The following ATRNL1 variants were observed in gnomAD, a reference collection of about 807,000 sequenced individuals.
ATRNL1 encodes attractin like 1, also known as attractin-like protein 1.
A neutral mutation model predicts 182.7 loss-of-function variants in ATRNL1; 95 were observed. The observed-to-expected ratio is 0.52, with a 90% CI of 0.44 to 0.62. The LOEUF is 0.62. Among genes scored for constraint, ATRNL1 ranks in the 20% least tolerant of loss-of-function variants. The pLI, the probability that ATRNL1 is intolerant of heterozygous loss-of-function variation, is 0.00. For synonymous variants in ATRNL1, 576 were observed against 568.3 expected, an observed-to-expected ratio of 1.01 and a Z score of -0.19; for missense variants, 1,471 against 1,679.5, an observed-to-expected ratio of 0.88 and a Z score of 2.17.
chr10:115,104,525 C>T (rs1190998697), intron 1 of ATRNL1, among the ~76,000 whole-genome samples: 1 of 151,996 alleles, frequency 6.6e-6, no homozygotes, highest in Non-Finnish European at 1.5e-5. Flanking sequence ...GTTTCCTTTG[C>T]TGTGCAGAAA....
intron 21 of ATRNL1, among the ~76,000 whole-genome samples, chr10:115,460,951 C>T (rs1554969587): frequency 1.3e-5 from 2 of 152,012 alleles, no homozygotes; most frequent in Non-Finnish European, 2.9e-5. Flanking sequence ...TTCTCATTAT[C>T]AGATATAAGG....
intron 26 of ATRNL1, among the ~76,000 whole-genome samples, chr10:115,720,725 C>A (rs1228059700): frequency 2.6e-5 from 4 of 152,164 alleles, no homozygotes; most frequent in African/African-American, 9.7e-5. Context: ...AACCAGTGAG[C>A]TACATGAAGA....
chr10:115,927,380 T>C (rs1953268037), intron 28 of ATRNL1, among the ~76,000 whole-genome samples: 1 of 152,110 alleles, frequency 6.6e-6, no homozygotes, highest in Non-Finnish European at 1.5e-5. Flanking sequence ...ATTAATAATG[T>C]TTGAACATTT....
At chr10:115,146,613 C>T (rs1845983209) in intron 5 of ATRNL1, among the ~76,000 whole-genome samples, 1 of 152,014 alleles carries the variant, frequency 6.6e-6, no homozygotes, top group East Asian at 1.9e-4. Flanking sequence ...GTCTGTCCTC[C>T]CCCACTACCC....
intron 19 of ATRNL1, among the ~76,000 whole-genome samples, chr10:115,358,477 A>G (rs1049652201): frequency 6.6e-6 from 1 of 151,556 alleles, no homozygotes. Context: ...ACTCAATAAT[A>G]CATTTTCCTT....
intron 27 of ATRNL1, among the ~76,000 whole-genome samples, chr10:115,799,438 C>T (rs1299155607): frequency 1.3e-5 from 2 of 152,162 alleles, no homozygotes; most frequent in Non-Finnish European, 2.9e-5. Context: ...AAAAATCAGA[C>T]AATCCTATTT....
At chr10:115,854,923 C>G (rs1376866913) in intron 28 of ATRNL1, among the ~76,000 whole-genome samples, 1 of 152,172 alleles carries the variant, frequency 6.6e-6, no homozygotes, top group Non-Finnish European at 1.5e-5. Context: ...AGGCACAGCT[C>G]TAATCATATC....
chr10:115,629,498 G>A (rs1858341827), intron 26 of ATRNL1, among the ~76,000 whole-genome samples: 1 of 152,108 alleles, frequency 6.6e-6, no homozygotes, highest in Non-Finnish European at 1.5e-5. Flanking sequence ...CCCAGGAGAG[G>A]TTACTGAGGA....
At chr10:115,358,332 T>C (rs1286438234) in intron 19 of ATRNL1, among the ~76,000 whole-genome samples, 1 of 151,710 alleles carries the variant, frequency 6.6e-6, no homozygotes, top group Non-Finnish European at 1.5e-5. Flanking sequence ...ATCTATGAAG[T>C]ACATTTAAAG....
rs377021159 is a variant in ATRNL1, at chr10:115,121,772, G to A, written c.451G>A (p.Asp151Asn). ...ECSWDHMYVY[D>N]GDSIYAPLIA... is the part of the protein sequence containing the mutation. Reference sequence around the variant, plus strand: ...TAGCTGGGATCATATGTATGTTTATGATGGAGATTCAATATATGCACCTTT... The same window carrying A: ...TAGCTGGGATCATATGTATGTTTATAATGGAGATTCAATATATGCACCTTT... Residue 151 changes from aspartate (D) to asparagine (N), a missense_variant, in exon 3 of 29, where the codon GAT (aspartate) becomes AAT (asparagine). Physicochemically the swap from Asp to Asn is conservative, Grantham distance 23. Coordinates refer to ENST00000355044, the MANE Select transcript of ATRNL1 (RefSeq NM_207303.4). 9 of 1,571,244 alleles carry A rather than the reference G, an allele frequency of 5.7e-6. No individual in the cohort carries two copies. The highest frequency in any genetic ancestry group is 1.2e-5 in the South Asian group (1 of 84,424).
intron 1 of ATRNL1, among the ~76,000 whole-genome samples, chr10:115,108,734 G>C (rs2143507414): frequency 6.6e-6 from 1 of 152,282 alleles, no homozygotes; most frequent in South Asian, 2.1e-4. Flanking sequence ...CAAGCTCTCA[G>C]CTTGCAGGCT....
At chr10:115,809,462 T>A (rs529856874) in intron 27 of ATRNL1, among the ~76,000 whole-genome samples, 1 of 152,044 alleles carries the variant, frequency 6.6e-6, no homozygotes, top group Admixed American at 6.6e-5. Context: ...TTAAATAATA[T>A]TACCTCTTTT....
At chr10:115,417,987 G>A (rs1845476943) in intron 20 of ATRNL1, among the ~76,000 whole-genome samples, 1 of 152,174 alleles carries the variant, frequency 6.6e-6, no homozygotes, top group Non-Finnish European at 1.5e-5. Flanking sequence ...ATAAACACCT[G>A]ATCTCTCAGT....
intron 21 of ATRNL1, among the ~76,000 whole-genome samples, chr10:115,448,727 T>C (rs140699341): frequency 1.7e-3 from 257 of 152,116 alleles, no homozygotes; most frequent in African/African-American, 5.8e-3. Flanking sequence ...ATTTAAAAGA[T>C]AAACAAATCT....
At chr10:115,205,412 A>G (rs1848758847) in intron 8 of ATRNL1, among the ~76,000 whole-genome samples, 1 of 151,748 alleles carries the variant, frequency 6.6e-6, no homozygotes, top group Non-Finnish European at 1.5e-5. Context: ...TTATTCTATT[A>G]GTTTCTTTTT....
intron 26 of ATRNL1, among the ~76,000 whole-genome samples, chr10:115,556,667 G>A (rs1307546137): frequency 6.6e-6 from 1 of 151,926 alleles, no homozygotes; most frequent in African/African-American, 2.4e-5. Context: ...CATACTAAGG[G>A]GTTACCCCAC....
chr10:115,457,810 CAG>C (rs1245169616), intron 21 of ATRNL1, among the ~76,000 whole-genome samples: 1 of 152,038 alleles, frequency 6.6e-6, no homozygotes, highest in Non-Finnish European at 1.5e-5. Flanking sequence ...TTACCTACCT[CAG>C]GGAATAGTTC....
At chr10:115,254,530 A>T (rs574188695) in intron 10 of ATRNL1, among the ~76,000 whole-genome samples, 69 of 134,750 alleles carry the variant, frequency 5.1e-4, no homozygotes, top group Non-Finnish European at 1.1e-3. Flanking sequence ...TAGATTCTGG[A>T]TATTAGCCCT....
At position 115,160,079 on chromosome 10, in the gene ATRNL1, A is replaced by G; in HGVS notation, c.869A>G (p.Tyr290Cys). The G allele has an allele frequency of 1.2e-6, 2 of 1,611,882 alleles. No homozygotes were observed. The highest frequency in any genetic ancestry group is 1.7e-6 in the Non-Finnish European group (2 of 1,178,930). The change falls in exon 6 of 29, where the codon TAC (tyrosine) becomes TGC (cysteine). Residue 290 changes from tyrosine to cysteine, a missense_variant. By Grantham distance (194) the Tyr-to-Cys change is radical. Around this residue, in one of 3 missense-constraint regions of ATRNL1, gnomAD observed 1,031 missense variants for 1,156.0 expected, o/e 0.89. Transcript: ENST00000355044. ...CSLNVPSTES[Y>C]WILPNVKPFS... ...TTGAATGTTCCCTCTACTGAGTCTT[A>G]CTGGATTCTGCCAAACGTTAAACCC...
Sources: allele counts gnomAD v4.1 joint callset (sites outside exome capture counted in the v4.1 genomes callset), GRCh38; gene constraint gnomAD v4.1.1; regional missense constraint gnomAD v4.1.1; transcripts MANE v1.5; gene names NCBI Gene and HGNC (gene_info 2026-07-23, HGNC 2026-07-21).